The following WDR49 variants were observed in gnomAD, a reference collection of about 807,000 sequenced individuals.
WDR49 encodes the protein cilia- and flagella-associated protein 337.
WDR49 carries 107 observed loss-of-function variants against 119.5 expected under a neutral mutation model. That is an observed-to-expected ratio of 0.90 (90% CI 0.77 to 1.05). The LOEUF is 1.05. Among genes scored for constraint, WDR49 ranks in the 50% least tolerant of loss-of-function variants. WDR49 has a pLI of 0.00. For missense variants in WDR49, 1,240 were observed against 1,220.5 expected (o/e 1.02, Z -0.24); for synonymous variants, 425 against 418.8 (o/e 1.01, Z -0.18).
chr3:167,559,000 A>C (rs1005808427), intron 9 of WDR49, among the ~76,000 whole-genome samples: 1 of 152,170 alleles, frequency 6.6e-6, no homozygotes, highest in African/African-American at 2.4e-5. Flanking sequence ...GCTCTCCTGT[A>C]AACTAGATTA....
intron 12 of WDR49, among the ~76,000 whole-genome samples, chr3:167,532,212 G>T (rs1304696879): frequency 6.6e-6 from 1 of 152,084 alleles, no homozygotes; most frequent in Admixed American, 6.6e-5. Context: ...GCCTCTATGA[G>T]TTTATTCAGT....
chr3:167,589,665 T>C (rs928085773), intron 7 of WDR49, among the ~76,000 whole-genome samples: 1 of 152,050 alleles, frequency 6.6e-6, no homozygotes, highest in Non-Finnish European at 1.5e-5. Context: ...TTGGTTAAGT[T>C]TATTCCTAGA....
intron 11 of WDR49, among the ~76,000 whole-genome samples, chr3:167,535,338 A>T (rs190108185): frequency 1.7e-3 from 257 of 152,332 alleles, no homozygotes; most frequent in Non-Finnish European, 2.4e-3. Flanking sequence ...TGCAAACTTT[A>T]CATCTGATAG....
At chr3:167,578,091 T>C (rs1714341218) in intron 7 of WDR49, among the ~76,000 whole-genome samples, 1 of 152,166 alleles carries the variant, frequency 6.6e-6, no homozygotes, top group African/African-American at 2.4e-5. Flanking sequence ...CACACCTGCA[T>C]AAGCTTCCTC....
rs964306913 is a variant in WDR49 at position 167,516,417 on chromosome 3, A to G, written c.2774+5898T>C. On this transcript the variant is annotated intron_variant, in intron 16 of 18. Coordinates refer to ENST00000682715, the MANE Select transcript of WDR49 (RefSeq NM_001366157.1). ...TTCCAGCTTCATCCATGTCCCTACA[A>G]AGGACATGAACGCATCATTTTTTAT... 4.6e-5 allele frequency among the ~76,000 whole-genome samples: 7 copies of G among 152,156 alleles called. No homozygotes were observed. The East Asian group carries it at 1.4e-3, about 29-fold the overall frequency.
At chr3:167,532,019 T>A (rs975714609) in intron 12 of WDR49, among the ~76,000 whole-genome samples, 2 of 152,172 alleles carry the variant, frequency 1.3e-5, no homozygotes, top group Non-Finnish European at 2.9e-5. Flanking sequence ...CATGGCAAGT[T>A]CAGATGAATC....
At chr3:167,523,968 C>A (rs1447535374) in intron 15 of WDR49, among the ~76,000 whole-genome samples, 1 of 152,116 alleles carries the variant, frequency 6.6e-6, no homozygotes, top group East Asian at 1.9e-4. Flanking sequence ...TGAGGAGTTG[C>A]CACACTGTCT....
intron 7 of WDR49, among the ~76,000 whole-genome samples, chr3:167,582,955 C>T (rs1462226594): frequency 6.7e-6 from 1 of 149,944 alleles, no homozygotes; most frequent in Non-Finnish European, 1.5e-5. Flanking sequence ...AACAAACACA[C>T]ACACACACAC....
chr3:167,537,084 T>A, intron 10 of WDR49, 84 bp from the exon 11 acceptor site: 1 of 1,310,590 alleles, frequency 7.6e-7, no homozygotes, highest in Admixed American at 2.8e-5. Flanking sequence ...AATGATGTGA[T>A]CCAAGACTTT....
intron 11 of WDR49, among the ~76,000 whole-genome samples, chr3:167,534,033 CA>C (rs769459068): frequency 2.5e-4 from 36 of 143,402 alleles, no homozygotes; most frequent in South Asian, 4.5e-4. Context: ...ACTAAAGATA[CA>C]AAAAAAAAAA....
chr3:167,613,446 A>C (rs1204741992), intron 5 of WDR49, among the ~76,000 whole-genome samples: 2 of 152,214 alleles, frequency 1.3e-5, no homozygotes, highest in Admixed American at 1.3e-4. Context: ...ACTGCTTTAA[A>C]CATAGTGACA....
chr3:167,516,266 C>A (rs1192356119), intron 16 of WDR49, among the ~76,000 whole-genome samples: 1 of 119,838 alleles, frequency 8.3e-6, no homozygotes, highest in Non-Finnish European at 1.7e-5. Context: ...CACCCCACAA[C>A]AGGCCCCAGT....
chr3:167,603,970 C>T (rs895371779), intron 6 of WDR49, among the ~76,000 whole-genome samples: 2 of 151,864 alleles, frequency 1.3e-5, no homozygotes, highest in Admixed American at 6.6e-5. Flanking sequence ...TTGGGTGGAG[C>T]ATTTGGTGGT....
At chr3:167,579,024 T>C (rs1011203190) in intron 7 of WDR49, among the ~76,000 whole-genome samples, 2 of 152,072 alleles carry the variant, frequency 1.3e-5, no homozygotes, top group African/African-American at 4.8e-5. Flanking sequence ...GATCTGATGG[T>C]TTTGTAAGCA....
chr3:167,515,588 T>C (rs1752166360), intron 16 of WDR49, among the ~76,000 whole-genome samples: 1 of 152,188 alleles, frequency 6.6e-6, no homozygotes, highest in African/African-American at 2.4e-5. Context: ...AAGACAAAGA[T>C]GCCCTTTCTC....
At chr3:167,618,168 G>A (rs1229693062) in intron 5 of WDR49, among the ~76,000 whole-genome samples, 1 of 152,040 alleles carries the variant, frequency 6.6e-6, no homozygotes, top group African/African-American at 2.4e-5. Context: ...TACCACCACT[G>A]ATCCTTAAAG....
chr3:167,617,758 C>T (rs1178106729), intron 5 of WDR49, among the ~76,000 whole-genome samples: 3 of 152,126 alleles, frequency 2.0e-5, no homozygotes, highest in East Asian at 3.9e-4. Context: ...TACCATTCCA[C>T]ATTTTTAGAC....
chr3:167,633,509 C>T (rs955637317), intron 2 of WDR49: 2 of 455,544 alleles, frequency 4.4e-6, no homozygotes, highest in African/African-American at 4.0e-5. Context: ...CGTAGTGCTG[C>T]TCTGTGAGCC....
At chr3:167,550,422 T>A (rs983132234) in intron 10 of WDR49, among the ~76,000 whole-genome samples, 3 of 152,064 alleles carry the variant, frequency 2.0e-5, no homozygotes, top group African/African-American at 7.2e-5. Context: ...CCCTTGTAAG[T>A]TGGATTCCTA....
Sources: gnomAD v4.1 joint callset for allele counts (sites outside exome capture counted in the v4.1 genomes callset) on GRCh38, gnomAD v4.1.1 for gene constraint, MANE v1.5 for transcripts, NCBI Gene and HGNC (gene_info 2026-07-23, HGNC 2026-07-21) for gene names.